The following ADAMTSL1 variants were observed in gnomAD, a reference collection of about 807,000 sequenced individuals.
ADAMTSL1 encodes the protein ADAMTS like 1, also known as ADAMTS-like protein 1.
In ADAMTSL1, 126 loss-of-function variants were observed where a neutral mutation model predicts 201.8. The observed-to-expected ratio is 0.62, with a 90% confidence interval of 0.54 to 0.72. ADAMTSL1 has a LOEUF of 0.72. ADAMTSL1 is among the 30% of genes least tolerant of loss of function. ADAMTSL1 has a pLI of 0.00. For missense variants in ADAMTSL1, 2,679 were observed against 2,277.8 expected (o/e 1.18, Z -3.59); for synonymous variants, 1,121 against 903.4 (o/e 1.24, Z -4.32).
rs189356536 is a variant in ADAMTSL1 at position 18,149,218 on chromosome 9, T to A, written c.88-14644T>A. ...CAAGGAGTCAGACTTACCGAGATAA[T>A]GTTGAGTAAATATAAACCTATAGAG... is the stretch of plus-strand genomic sequence containing the variant. On this transcript the variant is annotated intron_variant, in intron 1 of 29. Coordinates refer to the ADAMTSL1 transcript ENST00000680146. Among the ~76,000 whole-genome samples the A allele has an allele frequency of 2.6e-3, 390 of 151,766 alleles. 6 individuals carry two copies. Among genetic ancestry groups the A allele is most frequent in the Non-Finnish European group, 2.5e-4 (17 of 67,890 alleles).
chr9:18,377,408 A>G (rs761239747), intron 2 of ADAMTSL1, among the ~76,000 whole-genome samples: 12 of 152,188 alleles, frequency 7.9e-5, no homozygotes, highest in East Asian at 7.7e-4. Flanking sequence ...CGAGATCTTA[A>G]TTTTTTCAAG....
intron 2 of ADAMTSL1, among the ~76,000 whole-genome samples, chr9:18,525,981 T>G (rs957812295): frequency 6.6e-6 from 1 of 152,208 alleles, no homozygotes; most frequent in Non-Finnish European, 1.5e-5. Flanking sequence ...AGAGCTGAGT[T>G]CAATTCCTGG....
upstream of ADAMTSL1, among the ~76,000 whole-genome samples, chr9:18,472,480 T>A (rs968089948): frequency 1.3e-5 from 2 of 152,250 alleles, no homozygotes; most frequent in African/African-American, 4.8e-5. Flanking sequence ...GAACAAAGGA[T>A]AATCTTTGTA....
intron 1 of ADAMTSL1, among the ~76,000 whole-genome samples, chr9:18,020,813 G>T (rs995737898): frequency 5.3e-5 from 8 of 152,052 alleles, no homozygotes; most frequent in Non-Finnish European, 1.0e-4. Context: ...AATTTTGTTT[G>T]CTATTTGATC....
chr9:18,775,625 C>A, intron 17 of ADAMTSL1, 118 bp from the exon 18 acceptor site: 2 of 1,289,686 alleles, frequency 1.6e-6, no homozygotes, highest in Non-Finnish European at 2.2e-6. Flanking sequence ...ATTTCTATCA[C>A]AGTGGTTATT....
At chr9:18,297,596 G>A (rs777228854) in intron 2 of ADAMTSL1, among the ~76,000 whole-genome samples, 4 of 152,186 alleles carry the variant, frequency 2.6e-5, no homozygotes, top group Non-Finnish European at 5.9e-5. Flanking sequence ...AAGGTCATGT[G>A]CTTAATATGC....
At chr9:17,966,313 T>G (rs1458708168) in intron 1 of ADAMTSL1, among the ~76,000 whole-genome samples, 2 of 152,144 alleles carry the variant, frequency 1.3e-5, no homozygotes, top group Non-Finnish European at 2.9e-5. Context: ...TTTTTTTAAC[T>G]TTTTACTGTA....
chr9:18,215,813 G>A (rs899779807), intron 2 of ADAMTSL1, among the ~76,000 whole-genome samples: 5 of 152,132 alleles, frequency 3.3e-5, no homozygotes, highest in Non-Finnish European at 5.9e-5. Flanking sequence ...CTGTCCTCAC[G>A]GAGAACTCTG....
chr9:18,205,222 C>A (rs10963513), intron 2 of ADAMTSL1, among the ~76,000 whole-genome samples: 22,747 of 152,052 alleles, frequency 0.15, 1,989 homozygotes, highest in East Asian at 0.24. Flanking sequence ...AAAAAGCCAT[C>A]AAAAGACTTT....
intron 2 of ADAMTSL1, among the ~76,000 whole-genome samples, chr9:18,219,777 T>C (rs915356113): frequency 8.5e-5 from 13 of 152,202 alleles, no homozygotes; most frequent in Non-Finnish European, 1.8e-4. Context: ...AGTGTCATTA[T>C]AAAAATATCT....
At chr9:17,964,331 A>G (rs1479363455) in intron 1 of ADAMTSL1, among the ~76,000 whole-genome samples, 1 of 152,090 alleles carries the variant, frequency 6.6e-6, no homozygotes, top group African/African-American at 2.4e-5. Context: ...TACTGAAACT[A>G]TATATTCTCC....
At chr9:18,864,973 A>T (rs546993141) in intron 23 of ADAMTSL1, among the ~76,000 whole-genome samples, 3 of 130,538 alleles carry the variant, frequency 2.3e-5, no homozygotes, top group East Asian at 5.6e-4. Flanking sequence ...GTTTAAGATT[A>T]AAAAAAAATC....
At chr9:17,929,859 T>C (rs1056348449) in intron 1 of ADAMTSL1, among the ~76,000 whole-genome samples, 9 of 152,306 alleles carry the variant, frequency 5.9e-5, no homozygotes, top group Admixed American at 5.9e-4. Context: ...CTTCTTTGCA[T>C]TTTTGTTATA....
At chr9:18,402,854 A>G (rs1219275732) in intron 2 of ADAMTSL1, among the ~76,000 whole-genome samples, 1 of 152,202 alleles carries the variant, frequency 6.6e-6, no homozygotes, top group Non-Finnish European at 1.5e-5. Context: ...GGCTAGAATC[A>G]CCATAAGAAT....
chr9:18,302,850 C>T (rs766834611), intron 2 of ADAMTSL1, among the ~76,000 whole-genome samples: 5 of 152,008 alleles, frequency 3.3e-5, no homozygotes, highest in Admixed American at 1.3e-4. Context: ...AAAATGTTAC[C>T]GAAGGCTTTT....
intron 2 of ADAMTSL1, among the ~76,000 whole-genome samples, chr9:18,344,215 A>AT (rs1170727764): frequency 9.2e-5 from 14 of 152,104 alleles, no homozygotes; most frequent in African/African-American, 2.7e-4. Context: ...GGCTCTAATG[A>AT]TTTTTTTCAT....
intron 23 of ADAMTSL1, among the ~76,000 whole-genome samples, chr9:18,869,557 T>G (rs916423634): frequency 1.3e-5 from 2 of 152,226 alleles, no homozygotes; most frequent in African/African-American, 4.8e-5. Flanking sequence ...AAGCAGTAAA[T>G]TTCATTTTTA....
chr9:18,448,659 A>G (rs1189895720), intron 2 of ADAMTSL1, among the ~76,000 whole-genome samples: 1 of 152,180 alleles, frequency 6.6e-6, no homozygotes, highest in Non-Finnish European at 1.5e-5. Context: ...AGTTATTCAT[A>G]AAAGTAAATA....
rs759994206 is a variant in ADAMTSL1, at chr9:18,906,738, T to C, written c.5008T>C (p.Trp1670Arg). The C allele has an allele frequency of 1.9e-6, 3 of 1,613,038 alleles. No individual in the cohort carries two copies. Among genetic ancestry groups the C allele is most frequent in the South Asian group, 2.2e-5 (2 of 90,940 alleles). ...NCWSEACSVH[W>R]RVSLWTLCTA... is the part of the protein sequence containing the mutation. ...CTGGTCAGAGGCCTGCAGTGTACAC[T>C]GGAGAGTCAGCCTGTGGACCCTGTG... Residue 1670 changes from tryptophan to arginine, a missense_variant, in exon 28 of 29, where the codon TGG becomes CGG. Physicochemically the swap from Trp to Arg is moderately radical, Grantham distance 101. Transcript: ENST00000380548.
Sources: allele counts gnomAD v4.1 joint callset (sites outside exome capture counted in the v4.1 genomes callset), GRCh38; gene constraint gnomAD v4.1.1; transcripts MANE v1.5; gene names NCBI Gene and HGNC (gene_info 2026-07-23, HGNC 2026-07-21).